Variants in EYS observed in about 807,000 individuals in gnomAD.
The protein encoded by EYS is EGF-like photoreceptor maintenance factor, also known as protein eyes shut homolog.
In EYS, 250 loss-of-function variants were observed where a neutral mutation model predicts 282.1. The observed-to-expected ratio is 0.89, with a 90% CI of 0.80 to 0.98. EYS has a LOEUF of 0.98. EYS is among the 50% of genes least tolerant of loss of function. The pLI is 0.00. For missense variants in EYS, 4,016 were observed against 3,709.0 expected (o/e 1.08, Z -2.15); for synonymous variants, 1,355 against 1,282.9 (o/e 1.06, Z -1.20).
At chr6:65,220,108 C>T (rs928613890) in intron 12 of EYS, among the ~76,000 whole-genome samples, 3 of 152,088 alleles carry the variant, frequency 2.0e-5, no homozygotes, top group Admixed American at 2.0e-4. Flanking sequence ...AACCTCTCTG[C>T]AAAACTATTT....
Position 64,662,940 on chromosome 6 carries a change from T to G in EYS, c.3444-36695A>C, listed in dbSNP as rs554153918. 3.9e-5 allele frequency among the ~76,000 whole-genome samples: 6 copies of G among 152,328 alleles called. No homozygotes were observed. The South Asian group carries it at 1.2e-3, about 32-fold the overall frequency. On this transcript the variant is annotated intron_variant, in intron 22 of 42. Coordinates refer to ENST00000503581, the MANE Select transcript of EYS (RefSeq NM_001142800.2). The stretch of plus-strand genomic sequence containing the variant: ...CTCTAGACCTTTTCTGAAAGGAACC[T>G]AGACTGTTTATATCTAAACACACAA...
intron 2 of EYS, among the ~76,000 whole-genome samples, chr6:65,526,633 G>A (rs1047924565): frequency 1.3e-5 from 2 of 152,084 alleles, no homozygotes; most frequent in African/African-American, 4.8e-5. Context: ...GTGAAACCCC[G>A]TCTCTACTAA....
At chr6:64,189,781 C>G (rs1474835093) in intron 31 of EYS, among the ~76,000 whole-genome samples, 1 of 152,080 alleles carries the variant, frequency 6.6e-6, no homozygotes, top group Non-Finnish European at 1.5e-5. Context: ...TTTAGACTTG[C>G]CAGCCCCCAC....
At chr6:64,448,063 C>A (rs1292096738) in intron 26 of EYS, among the ~76,000 whole-genome samples, 1 of 152,234 alleles carries the variant, frequency 6.6e-6, no homozygotes, top group Non-Finnish European at 1.5e-5. Flanking sequence ...CGAGGCATTA[C>A]CTCATCTGGG....
chr6:64,026,959 C>A (rs890287611), intron 33 of EYS, among the ~76,000 whole-genome samples: 4 of 152,180 alleles, frequency 2.6e-5, no homozygotes, highest in African/African-American at 9.7e-5. Flanking sequence ...GGGTCTAGGG[C>A]AAACCTTTGA....
At chr6:64,985,886 T>C (rs1461598054) in intron 14 of EYS, among the ~76,000 whole-genome samples, 1 of 151,502 alleles carries the variant, frequency 6.6e-6, no homozygotes, top group Non-Finnish European at 1.5e-5. Context: ...TCTTTAGATA[T>C]ATGCCTGTTC....
chr6:64,890,051 C>CT, intron 18 of EYS, among the ~76,000 whole-genome samples: 1 of 149,970 alleles, frequency 6.7e-6, no homozygotes, highest in East Asian at 2.0e-4. Context: ...AAATGCCCCC[C>CT]CCCCCCAAGG....
intron 35 of EYS, among the ~76,000 whole-genome samples, chr6:63,960,187 A>G (rs1487785392): frequency 1.3e-5 from 2 of 152,184 alleles, no homozygotes; most frequent in African/African-American, 4.8e-5. Flanking sequence ...AAATATCAAC[A>G]TTAAGAGGAG....
chr6:63,818,624 T>G (rs1386352385), intron 36 of EYS, among the ~76,000 whole-genome samples: 1 of 152,206 alleles, frequency 6.6e-6, no homozygotes, highest in Non-Finnish European at 1.5e-5. Flanking sequence ...TTAAACCCAG[T>G]CTGGGGCCCT....
intron 33 of EYS, among the ~76,000 whole-genome samples, chr6:64,056,907 TTA>T (rs560380679): frequency 1.1e-3 from 170 of 152,322 alleles, no homozygotes; most frequent in African/African-American, 3.9e-3. Flanking sequence ...CTCCTCCTTT[TTA>T]TCTTTGTAAC....
chr6:64,949,978 C>T (rs551883067), intron 14 of EYS, among the ~76,000 whole-genome samples: 2 of 151,992 alleles, frequency 1.3e-5, no homozygotes, highest in South Asian at 2.1e-4. Context: ...GATCTAACAA[C>T]GTCAAAGAAT....
intron 30 of EYS, among the ~76,000 whole-genome samples, chr6:64,255,810 A>T (rs1767377359): frequency 6.6e-6 from 1 of 152,056 alleles, no homozygotes; most frequent in South Asian, 2.1e-4. Flanking sequence ...ATGTACAGAG[A>T]TAGCATGTAG....
At chr6:64,717,191 G>A (rs1366821559) in intron 22 of EYS, among the ~76,000 whole-genome samples, 1 of 152,192 alleles carries the variant, frequency 6.6e-6, no homozygotes, top group Non-Finnish European at 1.5e-5. Context: ...ACTAAAATAA[G>A]TGTCAGATTC....
rs569763748 is a variant in EYS at position 65,575,702 on chromosome 6, A to G, written c.-333+64076T>C. ...ACAAAATTGACTAACTTTTAGCTAGACCAACAGGGAAAAAAAAGAAAGACT... is the reference window on the plus strand; with the variant it reads ...ACAAAATTGACTAACTTTTAGCTAGGCCAACAGGGAAAAAAAAGAAAGACT... On this transcript the variant is annotated intron_variant, in intron 2 of 42. Coordinates refer to ENST00000503581, the MANE Select transcript of EYS (RefSeq NM_001142800.2). Among the ~76,000 whole-genome samples the G allele has an allele frequency of 5.2e-3, 792 of 152,110 alleles. 4 individuals are homozygous for G. Among genetic ancestry groups the G allele is most frequent in the African/African-American group, 0.017 (722 of 41,556 alleles).
chr6:64,094,363 T>C (rs1772499819), intron 31 of EYS, among the ~76,000 whole-genome samples: 1 of 152,142 alleles, frequency 6.6e-6, no homozygotes, highest in Non-Finnish European at 1.5e-5. Context: ...TGGTAGAATT[T>C]GGCTGTGAAT....
intron 11 of EYS, among the ~76,000 whole-genome samples, chr6:65,309,063 A>G (rs1769086345): frequency 6.6e-6 from 1 of 152,184 alleles, no homozygotes; most frequent in Non-Finnish European, 1.5e-5. Context: ...TAAAACCTAT[A>G]GGGTTAAAAA....
chr6:64,820,914 A>G (rs1487800192), intron 21 of EYS, among the ~76,000 whole-genome samples: 1 of 152,066 alleles, frequency 6.6e-6, no homozygotes, highest in Non-Finnish European at 1.5e-5. Flanking sequence ...AGGGAGAGAG[A>G]CACAAAGAAT....
intron 26 of EYS, among the ~76,000 whole-genome samples, chr6:64,445,132 A>T (rs1775078244): frequency 6.6e-6 from 1 of 152,224 alleles, no homozygotes; most frequent in Non-Finnish European, 1.5e-5. Context: ...TTAAATATAG[A>T]TTTTAAAAAG....
At chr6:63,991,945 T>G (rs1230291067) in intron 34 of EYS, among the ~76,000 whole-genome samples, 1 of 151,724 alleles carries the variant, frequency 6.6e-6, no homozygotes, top group Non-Finnish European at 1.5e-5. Context: ...ATATTTAAAG[T>G]GCTAAACATT....
Sources: allele counts gnomAD v4.1 joint callset (sites outside exome capture counted in the v4.1 genomes callset), GRCh38; gene constraint gnomAD v4.1.1; transcripts MANE v1.5; gene names NCBI Gene and HGNC (gene_info 2026-07-23, HGNC 2026-07-21).